The following HMCN2 variants were observed in gnomAD, a reference collection of about 807,000 sequenced individuals.
HMCN2 encodes the protein hemicentin 2.
A neutral mutation model predicts 377.5 loss-of-function variants in HMCN2; 325 were observed. The ratio of observed to expected loss-of-function variants is 0.86; its 90% confidence interval spans 0.79 to 0.94. The LOEUF is 0.94. HMCN2 is among the 40% of genes least tolerant of loss of function. The pLI is 0.00. For missense variants in HMCN2, 4,543 were observed against 4,725.3 expected (o/e 0.96, Z 1.13); for synonymous variants, 2,007 against 2,046.8 (o/e 0.98, Z 0.53).
At position 130,375,955 on chromosome 9, in the gene HMCN2, G is replaced by A. The variant is rs1367819806; in HGVS notation, c.7884G>A (p.Gly2628=). 1 of 985,760 alleles carries A rather than the reference G, an allele frequency of 1.0e-6. No individual in the cohort carries two copies. The highest frequency in any genetic ancestry group is 1.7e-5 in the African/African-American group (1 of 57,244). 61.1% of individuals were successfully genotyped at this position (985,760 alleles called of 1,614,324 possible). A position where few individuals can be genotyped will look rare whatever the true frequency, so the allele number is the denominator to read the frequency against. Reference sequence around the variant, plus strand: ...CCTGCGTGGTCACCAATGAGCTCGGGGAGGCCGTGAAAAACTACCATGTGG... The same window carrying A: ...CCTGCGTGGTCACCAATGAGCTCGGAGAGGCCGTGAAAAACTACCATGTGG... The part of the protein sequence containing the change: ...QYTCVVTNEL[G]EAVKNYHVEV... Residue 2628 remains glycine, a synonymous_variant, in exon 51 of 98, where the codon GGG becomes GGA. Coordinates refer to ENST00000683500, the MANE Select transcript of HMCN2 (RefSeq NM_001291815.2).
At chr9:130,299,851 T>C (rs1424874567) in intron 8 of HMCN2, among the ~76,000 whole-genome samples, 1 of 127,168 alleles carries the variant, frequency 7.9e-6, no homozygotes, top group Non-Finnish European at 1.7e-5. Context: ...ACCCACCCAT[T>C]CACTCACCCA....
intron 1 of HMCN2, among the ~76,000 whole-genome samples, chr9:130,275,612 G>A (rs1834647427): frequency 6.6e-6 from 1 of 152,114 alleles, no homozygotes; most frequent in Non-Finnish European, 1.5e-5. Context: ...ACCATGCCTG[G>A]CTAATTTTTG....
intron 15 of HMCN2, among the ~76,000 whole-genome samples, chr9:130,312,177 G>T (rs1316151109): frequency 6.6e-6 from 1 of 152,152 alleles, no homozygotes; most frequent in Non-Finnish European, 1.5e-5. Context: ...CTGAACCAAG[G>T]GTCTTGCACC....
At position 130,327,765 on chromosome 9, in the gene HMCN2, G is replaced by A. The variant is rs937126703; in HGVS notation, c.3359+290G>A. The stretch of plus-strand genomic sequence containing the variant: ...CACGGCCACCCTTGATATCTAACAG[G>A]ACACTGACACTCAGCCAGGGAGTGA... On this transcript the variant is annotated intron_variant, in intron 22 of 97. Transcript: ENST00000683500. 1.4e-4 allele frequency among the ~76,000 whole-genome samples: 21 copies of A among 152,300 alleles called. 1 individual carries two copies. The South Asian group carries it at 4.4e-3, about 32-fold the overall frequency.
At chr9:130,287,975 C>A (rs543992158) in intron 4 of HMCN2, among the ~76,000 whole-genome samples, 1 of 152,280 alleles carries the variant, frequency 6.6e-6, no homozygotes, top group Non-Finnish European at 1.5e-5. Context: ...TGACAGATGG[C>A]GTTTATGGTT....
chr9:130,375,659 C>G lies in HMCN2; in HGVS notation c.7727C>G (p.Ala2576Gly). The G allele has an allele frequency of 1.0e-6, 1 of 985,944 alleles. No homozygotes were observed. Among genetic ancestry groups the G allele is most frequent in the South Asian group, 4.7e-5 (1 of 21,294 alleles). The allele number at this position is 985,944 out of a possible 1,614,324, so 61.1% of individuals were successfully genotyped here. A position where few individuals can be genotyped will look rare whatever the true frequency, so the allele number is the denominator to read the frequency against. The change falls in exon 50 of 98, where the codon GCC becomes GGC. Residue 2576 changes from alanine (A) to glycine (G), a missense_variant. Ala to Gly is a moderately conservative substitution (Grantham distance 60, BLOSUM62 0). Transcript: ENST00000683500. Reference protein sequence around the residue: ...NPISLICEALAFPSPNITWMK... With the variant: ...NPISLICEALGFPSPNITWMK... ...ATCTCTCTGATCTGCGAGGCCCTGG[C>G]CTTCCCTTCCCCCAACATCACCTGG...
intron 81 of HMCN2, among the ~76,000 whole-genome samples, chr9:130,405,437 A>G (rs980844643): frequency 1.4e-4 from 22 of 151,992 alleles, no homozygotes; most frequent in African/African-American, 4.8e-4. Context: ...GGGACCCCCA[A>G]CCTCCTTCCC....
At chr9:130,364,049 G>T (rs1223105168) in intron 40 of HMCN2, among the ~76,000 whole-genome samples, 1 of 152,224 alleles carries the variant, frequency 6.6e-6, no homozygotes, top group Non-Finnish European at 1.5e-5. Flanking sequence ...TTGGGCGGGA[G>T]GTTATAGGAA....
chr9:130,322,591 GCC>G (rs1282652861), intron 19 of HMCN2, among the ~76,000 whole-genome samples: 2 of 151,834 alleles, frequency 1.3e-5, no homozygotes, highest in Non-Finnish European at 2.9e-5. Flanking sequence ...TACTCCCCCC[GCC>G]CAACCGCATC....
chr9:130,432,431 A>T lies in HMCN2; in HGVS notation c.14770A>T (p.Ile4924Phe). ...LLPSGKNCQDINECEEESIEC... is the reference protein window; with the variant it reads ...LLPSGKNCQDFNECEEESIEC... ...GCTTCACCAACTTCCCCATCCAGAC[A>T]TCAACGAGTGCGAGGAGGAGAGCAT... Residue 4924 changes from isoleucine to phenylalanine, a missense_variant and splice_region_variant, in exon 97 of 98, where the codon ATC becomes TTC. Physicochemically the swap from Ile to Phe is conservative, Grantham distance 21. Coordinates refer to ENST00000683500, the MANE Select transcript of HMCN2 (RefSeq NM_001291815.2). The T allele has an allele frequency of 6.4e-7, 1 of 1,550,956 alleles. No individual in the cohort carries two copies. The highest frequency in any genetic ancestry group is 1.7e-4 in the Middle Eastern group (1 of 5,998).
At position 130,349,021 on chromosome 9, in the gene HMCN2, G is replaced by T. The variant is rs1839549157; in HGVS notation, c.4193G>T (p.Gly1398Val). 7.7e-7 allele frequency: 1 copy of T among 1,304,052 alleles called. No individual in the cohort carries two copies. The highest frequency in any genetic ancestry group is 5.5e-5 in the East Asian group (1 of 18,030). 80.8% of individuals were successfully genotyped at this position (1,304,052 alleles called of 1,614,324 possible). Residue 1398 changes from glycine to valine, a missense_variant, in exon 28 of 98, where the codon GGC (glycine) becomes GTC (valine). This residue lies in a region of HMCN2 where 1,032 missense variants were observed against 1,285.1 expected (regional missense o/e 0.80). Transcript: ENST00000683500. ...GGCGGCCACCGCCTCCTGGACGAGG[G>T]CCAGTCCCTCCACTTCCCCAGGATC... ...KVGGHRLLDE[G>V]QSLHFPRIQE...
Position 130,360,308 on chromosome 9 carries a change from C to T in HMCN2, c.5774-120C>T. On this transcript the variant is annotated intron_variant, in intron 37 of 97. Coordinates refer to ENST00000683500, the MANE Select transcript of HMCN2 (RefSeq NM_001291815.2). This position sits in a 1 kb window ranked among gnomAD's most constrained non-coding sequence, Gnocchi z 4.7. ...GCACCCTTGCTTCTCTCTTCCATTCCCCCTTGCATCTCTCTTCCTTTCCCC... is the reference window on the plus strand; with the variant it reads ...GCACCCTTGCTTCTCTCTTCCATTCTCCCTTGCATCTCTCTTCCTTTCCCC... 3.6e-6 allele frequency: 2 copies of T among 553,776 alleles called. No homozygotes were observed. The highest frequency in any genetic ancestry group is 2.1e-5 in the South Asian group (1 of 48,562). 34.3% of individuals were successfully genotyped at this position (553,776 alleles called of 1,614,324 possible).
chr9:130,358,462 A>G lies in HMCN2; in HGVS notation c.5653A>G (p.Arg1885Gly). 1.5e-6 allele frequency: 2 copies of G among 1,304,310 alleles called. No homozygotes were observed. The highest frequency in any genetic ancestry group is 2.5e-5 in the South Asian group (2 of 81,024). 80.8% of individuals were successfully genotyped at this position (1,304,310 alleles called of 1,614,324 possible). A position where few individuals can be genotyped will look rare whatever the true frequency, so the allele number is the denominator to read the frequency against. The change falls in exon 36 of 98, where the codon AGG (arginine) becomes GGG (glycine). Residue 1885 changes from arginine (R) to glycine (G), a missense_variant. Physicochemically the swap from Arg to Gly is moderately radical, Grantham distance 125 (BLOSUM62 -2). Transcript: ENST00000683500. ...AATNLAGESK[R>G]EVALKVLVPP... The stretch of plus-strand genomic sequence containing the variant: ...TACCAACCTGGCTGGGGAGAGCAAG[A>G]GGGAAGTGGCGCTGAAAGTTTTGGG...
Position 130,403,212 on chromosome 9 carries a change from C to T in HMCN2, c.11897C>T (p.Pro3966Leu), listed in dbSNP as rs564091612. Reference sequence around the variant, plus strand: ...TTTGTAGCCTCCCCGGTGGTGAAGCCGCTGCCCAGCGTGGTTCGGGCAGTG... The same window carrying T: ...TTTGTAGCCTCCCCGGTGGTGAAGCTGCTGCCCAGCGTGGTTCGGGCAGTG... ...LTVQASPVVK[P>L]LPSVVRAVAE... The change falls in exon 79 of 98, where the codon CCG (proline) becomes CTG (leucine). Residue 3966 changes from proline to leucine, a missense_variant. Physicochemically the swap from Pro to Leu is moderately conservative, Grantham distance 98. Transcript: ENST00000683500. 43 of 1,289,472 alleles carry T rather than the reference C, an allele frequency of 3.3e-5. No homozygotes were observed. The highest frequency in any genetic ancestry group is 3.3e-4 in the South Asian group (27 of 80,990). The allele number at this position is 1,289,472 out of a possible 1,614,324, so 79.9% of individuals were successfully genotyped here. A position where few individuals can be genotyped will look rare whatever the true frequency, so the allele number is the denominator to read the frequency against.
At position 130,407,661 on chromosome 9, in the gene HMCN2, ACAGAGTGGGCCGCACGCAGGCGGTCAG is replaced by A; in HGVS notation, c.12646_12672del (p.Arg4216_Ser4224del). Reference sequence around the variant, plus strand: ...GGGACCTATGTCTGCTGGGCGGAGAACAGAGTGGGCCGCACGCAGGCGGTCAGCTTCGTCCACGTGAAGGGTAGGGCA... The same window carrying A: ...GGGACCTATGTCTGCTGGGCGGAGAACTTCGTCCACGTGAAGGGTAGGGCA... On this transcript the variant is annotated inframe_deletion, in exon 83 of 98. Transcript: ENST00000683500. 1 of 1,278,312 alleles carries A rather than the reference ACAGAGTGGGCCGCACGCAGGCGGTCAG, an allele frequency of 7.8e-7. No individual in the cohort carries two copies. Among genetic ancestry groups the A allele is most frequent in the South Asian group, 1.2e-5 (1 of 80,314 alleles). 79.2% of individuals were successfully genotyped at this position (1,278,312 alleles called of 1,614,324 possible).
In HMCN2 at chr9:130,430,591, C is replaced by T. The variant is rs545237452; in HGVS notation, c.14634C>T (p.Asn4878=). ...AWCPPGFIRQ[N]GVCTDLDECR... Reference sequence around the variant, plus strand: ...GCCCTCCTGGTTTCATCAGGCAGAACGGAGTCTGCACAGGTAAGGCCAGGC... The same window carrying T: ...GCCCTCCTGGTTTCATCAGGCAGAATGGAGTCTGCACAGGTAAGGCCAGGC... The change falls in exon 95 of 98, where the codon AAC becomes AAT. Residue 4878 remains asparagine, a synonymous_variant. Transcript: ENST00000683500. 1.4e-3 allele frequency: 2,236 copies of T among 1,549,596 alleles called. 3 individuals carry two copies. The highest frequency in any genetic ancestry group is 1.8e-3 in the Non-Finnish European group (2,117 of 1,146,510).
At chr9:130,344,698 G>A (rs1158413301) in intron 25 of HMCN2, among the ~76,000 whole-genome samples, 1 of 150,696 alleles carries the variant, frequency 6.6e-6, no homozygotes, top group Non-Finnish European at 1.5e-5. Flanking sequence ...TGTAGTGTGT[G>A]TGTATGATGT....
intron 54 of HMCN2, among the ~76,000 whole-genome samples, chr9:130,380,199 A>G (rs1225304485): frequency 3.3e-5 from 5 of 151,410 alleles, no homozygotes; most frequent in African/African-American, 1.2e-4. Flanking sequence ...TTTTTCTTTC[A>G]CCACCTTAAG....
In HMCN2 at chr9:130,434,079, C is replaced by G. The variant is rs751121041; in HGVS notation, c.*386C>G. 1.3e-4 allele frequency: 27 copies of G among 203,134 alleles called. No individual in the cohort carries two copies. Among genetic ancestry groups the G allele is most frequent in the Non-Finnish European group, 2.5e-4 (26 of 102,298 alleles). The allele number at this position is 203,134 out of a possible 1,614,324, so 12.6% of individuals were successfully genotyped here. ...GTCGCCCGGCCACACCTGGTGGTGT[C>G]ATTCTGAACCCTGTTGCAATATAAA... On this transcript the variant is annotated 3_prime_UTR_variant, in exon 98 of 98. Transcript: ENST00000683500.
Sources: gnomAD v4.1 joint callset for allele counts (sites outside exome capture counted in the v4.1 genomes callset) on GRCh38, gnomAD v4.1.1 for gene constraint, gnomAD v4.1.1 regional missense constraint, Gnocchi (gnomAD v3.1) non-coding constraint, MANE v1.5 for transcripts, NCBI Gene and HGNC (gene_info 2026-07-23, HGNC 2026-07-21) for gene names.